Variants in UTRN observed in about 807,000 individuals in gnomAD.
UTRN encodes the protein dystrophin-related protein 1.
Under a neutral mutation model 463.9 loss-of-function variants are expected in UTRN, and 283 were observed. The ratio of observed to expected loss-of-function variants is 0.61; its 90% CI spans 0.55 to 0.67. UTRN has a LOEUF of 0.67. Among genes scored for constraint, UTRN ranks in the 30% least tolerant of loss-of-function variants. The probability of loss-of-function intolerance (pLI) is 0.00; values close to 1 mark genes in which losing one functional copy is unlikely to be tolerated. For synonymous variants in UTRN, 1,442 were observed against 1,431.5 expected (o/e 1.01, Z -0.17); for missense variants, 3,922 against 4,084.3 (o/e 0.96, Z 1.08).
At chr6:144,706,328 A>C (rs1159550933) in intron 53 of UTRN, among the ~76,000 whole-genome samples, 1 of 151,760 alleles carries the variant, frequency 6.6e-6, no homozygotes, top group Non-Finnish European at 1.5e-5. Context: ...ATAATTTAGA[A>C]TTGTCAATTA....
At chr6:144,340,846 CT>C (rs1562267961) in intron 2 of UTRN, among the ~76,000 whole-genome samples, 1 of 152,230 alleles carries the variant, frequency 6.6e-6, no homozygotes, top group Non-Finnish European at 1.5e-5. Flanking sequence ...AAGCGCCCCC[CT>C]ATTGATCTTT....
chr6:144,777,788 G>A (rs1775464912), intron 60 of UTRN, among the ~76,000 whole-genome samples: 1 of 152,180 alleles, frequency 6.6e-6, no homozygotes, highest in Non-Finnish European at 1.5e-5. Context: ...ATTTAGGCAT[G>A]GGGCAGTTAA....
chr6:144,508,812 A>G (rs1178039592), intron 34 of UTRN, among the ~76,000 whole-genome samples: 4 of 152,150 alleles, frequency 2.6e-5, no homozygotes, highest in South Asian at 2.1e-4. Flanking sequence ...AGGATAACCA[A>G]TTATCTTAGT....
chr6:144,349,162 T>C (rs866187723), intron 2 of UTRN, among the ~76,000 whole-genome samples: 16 of 152,152 alleles, frequency 1.1e-4, no homozygotes, highest in East Asian at 1.9e-4. Flanking sequence ...GCGCCCGCCA[T>C]CACGCCCGGC....
intron 17 of UTRN, among the ~76,000 whole-genome samples, chr6:144,450,227 A>G (rs1209275323): frequency 6.6e-6 from 1 of 151,670 alleles, no homozygotes; most frequent in Non-Finnish European, 1.5e-5. Flanking sequence ...CATGCATAGA[A>G]CTCTCCCTTG....
intron 74 of UTRN, among the ~76,000 whole-genome samples, chr6:144,847,411 T>C (rs1330294116): frequency 6.6e-6 from 1 of 152,148 alleles, no homozygotes; most frequent in East Asian, 1.9e-4. Flanking sequence ...TTTTGTTTTG[T>C]TTTGTTTTTT....
intron 71 of UTRN, among the ~76,000 whole-genome samples, chr6:144,837,658 A>T (rs573280287): frequency 5.1e-4 from 77 of 152,346 alleles, no homozygotes; most frequent in African/African-American, 1.8e-3. Context: ...CTCTCCAGTG[A>T]TTCTCTCAAA....
intron 13 of UTRN, among the ~76,000 whole-genome samples, chr6:144,443,709 G>A (rs1787388379): frequency 6.6e-6 from 1 of 151,714 alleles, no homozygotes; most frequent in Non-Finnish European, 1.5e-5. Flanking sequence ...TGTAACTTAT[G>A]GGGAATTTTT....
chr6:144,601,578 T>C (rs999724933), intron 51 of UTRN, among the ~76,000 whole-genome samples: 1 of 152,146 alleles, frequency 6.6e-6, no homozygotes, highest in South Asian at 2.1e-4. Flanking sequence ...TTGCCTCTAA[T>C]GGATGAGCAA....
At chr6:144,558,447 G>A (rs1799575469) in intron 50 of UTRN, among the ~76,000 whole-genome samples, 1 of 152,046 alleles carries the variant, frequency 6.6e-6, no homozygotes, top group Non-Finnish European at 1.5e-5. Context: ...GATTTAGTAA[G>A]GATATCATAA....
chr6:144,743,932 T>C (rs1434083082), intron 54 of UTRN, among the ~76,000 whole-genome samples: 1 of 151,336 alleles, frequency 6.6e-6, no homozygotes, highest in East Asian at 1.9e-4. Flanking sequence ...TTATGAAATA[T>C]GAATATAAAA....
At chr6:144,410,449 A>G (rs1783784927) in intron 3 of UTRN, among the ~76,000 whole-genome samples, 1 of 152,054 alleles carries the variant, frequency 6.6e-6, no homozygotes, top group Non-Finnish European at 1.5e-5. Context: ...TTTGGGGGGA[A>G]CAGGTGGTGT....
chr6:144,753,238 G>T (rs768966450), intron 56 of UTRN, among the ~76,000 whole-genome samples: 2 of 152,168 alleles, frequency 1.3e-5, no homozygotes, highest in African/African-American at 2.4e-5. Context: ...TAGGCTGTGT[G>T]CAGTTGTTAT....
intron 54 of UTRN, among the ~76,000 whole-genome samples, chr6:144,739,502 C>G (rs117438022): frequency 6.6e-6 from 1 of 152,144 alleles, no homozygotes; most frequent in African/African-American, 2.4e-5. Flanking sequence ...TGGGTGTTTT[C>G]TCCCAGGGCT....
intron 60 of UTRN, among the ~76,000 whole-genome samples, chr6:144,776,680 T>G (rs552954174): frequency 1.4e-3 from 219 of 152,316 alleles, no homozygotes; most frequent in African/African-American, 4.9e-3. Flanking sequence ...CACCATTTCA[T>G]CATCCACTTA....
At chr6:144,551,159 A>ACACC in intron 48 of UTRN, 77 bp downstream of exon 48, 1 of 841,012 alleles carries the variant, frequency 1.2e-6, no homozygotes, top group Non-Finnish European at 1.8e-6. Flanking sequence ...ACACACACAC[A>ACACC]CACACACACA....
At chr6:144,847,253 A>T (rs1782100125) in intron 74 of UTRN, among the ~76,000 whole-genome samples, 1 of 152,190 alleles carries the variant, frequency 6.6e-6, no homozygotes, top group South Asian at 2.1e-4. Flanking sequence ...TTTGCTGAGA[A>T]CTGTTGGCAG....
intron 61 of UTRN, among the ~76,000 whole-genome samples, chr6:144,783,218 A>G (rs1776006281): frequency 6.6e-6 from 1 of 151,860 alleles, no homozygotes; most frequent in Non-Finnish European, 1.5e-5. Flanking sequence ...AGAAAAGAAA[A>G]CTAGAACTGT....
Position 144,286,552 on chromosome 6 carries a change from C to A in UTRN, c.-93+731C>A, listed in dbSNP as rs1298318109. ...CTCTCCTTTTCCGGACTCTGGGGATCTCTTGCTGCAACTGACAAGGTAATT... is the reference window on the plus strand; with the variant it reads ...CTCTCCTTTTCCGGACTCTGGGGATATCTTGCTGCAACTGACAAGGTAATT... On this transcript the variant is annotated intron_variant, in intron 1 of 74. Transcript: ENST00000367545. This position sits in a 1 kb window ranked among gnomAD's most constrained non-coding sequence, Gnocchi z 4.4. Among the ~76,000 whole-genome samples the A allele has an allele frequency of 6.6e-6, 1 of 152,124 alleles. No homozygotes were observed. The highest frequency in any genetic ancestry group is 1.5e-5 in the Non-Finnish European group (1 of 68,020).
Sources: gnomAD v4.1 joint callset for allele counts (sites outside exome capture counted in the v4.1 genomes callset) on GRCh38, gnomAD v4.1.1 for gene constraint, Gnocchi (gnomAD v3.1) non-coding constraint, MANE v1.5 for transcripts, NCBI Gene and HGNC (gene_info 2026-07-23, HGNC 2026-07-21) for gene names.